The following VPS54 variants were observed in gnomAD, a reference collection of about 807,000 sequenced individuals.
The protein encoded by VPS54 is vacuolar protein sorting-associated protein 54.
In VPS54, 45 loss-of-function variants were observed where a neutral mutation model predicts 121.5. The ratio of observed to expected loss-of-function variants is 0.37; its 90% CI spans 0.29 to 0.47. VPS54 has a LOEUF of 0.47. Among genes scored for constraint, VPS54 ranks in the 20% least tolerant of loss-of-function variants. VPS54 has a pLI of 0.99. For missense variants in VPS54, 1,090 were observed against 1,131.4 expected, an observed-to-expected ratio of 0.96 and a Z score of 0.52; for synonymous variants, 371 against 385.8, an observed-to-expected ratio of 0.96 and a Z score of 0.45.
At chr2:63,940,194 T>A (rs2104504472) in intron 11 of VPS54, among the ~76,000 whole-genome samples, 1 of 152,328 alleles carries the variant, frequency 6.6e-6, no homozygotes, top group South Asian at 2.1e-4. Context: ...TTGTTAGACA[T>A]CTGGGTTCTT....
At chr2:63,913,835 T>G (rs1428989854) in intron 17 of VPS54, 2 of 1,063,192 alleles carry the variant, frequency 1.9e-6, no homozygotes, top group Admixed American at 1.1e-4. Context: ...CTTAGTGAGA[T>G]GAATTTTGTA....
intron 1 of VPS54, among the ~76,000 whole-genome samples, chr2:63,995,634 T>C (rs1024555635): frequency 3.2e-4 from 49 of 152,234 alleles, no homozygotes; most frequent in African/African-American, 1.1e-3. Flanking sequence ...CAACAAGGCA[T>C]TGACCAAAAA....
intron 11 of VPS54, among the ~76,000 whole-genome samples, chr2:63,941,358 G>A (rs1674722925): frequency 6.6e-6 from 1 of 152,088 alleles, no homozygotes; most frequent in African/African-American, 2.4e-5. Flanking sequence ...CCAAGTAGCT[G>A]GGACTACAGG....
chr2:63,948,974 T>C, intron 8 of VPS54, 63 bp downstream of exon 8: 3 of 1,569,734 alleles, frequency 1.9e-6, no homozygotes, highest in Non-Finnish European at 1.7e-6. Context: ...CTGAGAAAAA[T>C]GTGTTCTAAG....
chr2:63,958,533 G>A (rs886133569), intron 7 of VPS54, among the ~76,000 whole-genome samples: 17 of 152,132 alleles, frequency 1.1e-4, no homozygotes, highest in Admixed American at 7.9e-4. Flanking sequence ...GGGCAACACA[G>A]CAAGACCTTA....
chr2:63,939,523 A>T (rs1317443090), intron 11 of VPS54, among the ~76,000 whole-genome samples: 1 of 152,214 alleles, frequency 6.6e-6, no homozygotes, highest in East Asian at 1.9e-4. Context: ...TATTCCTGTA[A>T]TGTGGTAAAT....
At chr2:63,937,112 G>A (rs2104495157) in intron 11 of VPS54, among the ~76,000 whole-genome samples, 1 of 152,102 alleles carries the variant, frequency 6.6e-6, no homozygotes. Flanking sequence ...GATATGAAAT[G>A]AAAAACATAG....
At chr2:63,950,332 G>C (rs1266624028) in intron 7 of VPS54, among the ~76,000 whole-genome samples, 1 of 152,116 alleles carries the variant, frequency 6.6e-6, no homozygotes, top group African/African-American at 2.4e-5. Flanking sequence ...CCATAGAGTA[G>C]TGTGTGTAAT....
At chr2:63,937,399 A>C (rs977184672) in intron 11 of VPS54, among the ~76,000 whole-genome samples, 1 of 152,216 alleles carries the variant, frequency 6.6e-6, no homozygotes, top group East Asian at 1.9e-4. Flanking sequence ...AAGATGCTCA[A>C]CATCACTCAT....
chr2:64,009,046 A>T (rs531535096), intron 1 of VPS54, among the ~76,000 whole-genome samples: 3 of 152,266 alleles, frequency 2.0e-5, no homozygotes, highest in South Asian at 4.1e-4. Context: ...CTGAATTCAG[A>T]TTTTCTGATT....
At chr2:63,913,817 T>C (rs1358560179) in intron 17 of VPS54, 5 of 1,040,372 alleles carry the variant, frequency 4.8e-6, no homozygotes, top group South Asian at 7.7e-5. Context: ...GCAAGAAAAA[T>C]CTCTAACCTT....
intron 1 of VPS54, among the ~76,000 whole-genome samples, chr2:63,986,656 C>T (rs1213167552): frequency 6.6e-6 from 1 of 152,060 alleles, no homozygotes; most frequent in African/African-American, 2.4e-5. Context: ...TTCAGTTTTT[C>T]GAGGGACCTC....
chr2:63,911,127 AAT>A (rs768223280), intron 20 of VPS54, among the ~76,000 whole-genome samples: 12 of 152,226 alleles, frequency 7.9e-5, no homozygotes, highest in Non-Finnish European at 1.8e-4. Flanking sequence ...GAGCAGACAC[AAT>A]ATGTTACCGA....
intron 1 of VPS54, among the ~76,000 whole-genome samples, chr2:64,012,193 T>G (rs1678460512): frequency 6.6e-6 from 1 of 152,124 alleles, no homozygotes; most frequent in South Asian, 2.1e-4. Flanking sequence ...GCATCTCTCC[T>G]CCCTCATCCA....
At chr2:64,000,190 T>C (rs1172027673) in intron 1 of VPS54, among the ~76,000 whole-genome samples, 1 of 152,204 alleles carries the variant, frequency 6.6e-6, no homozygotes, top group East Asian at 1.9e-4. Flanking sequence ...TTATGATGCA[T>C]TCTTCAGTAT....
At chr2:64,017,210 G>A (rs1172004462) in intron 1 of VPS54, among the ~76,000 whole-genome samples, 11 of 151,402 alleles carry the variant, frequency 7.3e-5, no homozygotes, top group Non-Finnish European at 1.6e-4. Flanking sequence ...GCGTGGGGGC[G>A]CCTGTAGTCC....
At chr2:63,897,963 A>C (rs547618106) in intron 21 of VPS54, among the ~76,000 whole-genome samples, 1 of 152,346 alleles carries the variant, frequency 6.6e-6, no homozygotes, top group South Asian at 2.1e-4. Flanking sequence ...TAGTGAAATC[A>C]CTTCAAAGCA....
chr2:63,931,605 C>A (rs1041324822), intron 12 of VPS54, among the ~76,000 whole-genome samples: 3 of 152,170 alleles, frequency 2.0e-5, no homozygotes, highest in African/African-American at 7.2e-5. Context: ...GCAAAGACTT[C>A]ATGTCTAAAA....
At chr2:64,015,456 C>A (rs1230677991) in intron 1 of VPS54, among the ~76,000 whole-genome samples, 1 of 152,042 alleles carries the variant, frequency 6.6e-6, no homozygotes. Flanking sequence ...TGGTAGGAAT[C>A]AAAAACACTA....
Sources: gnomAD v4.1 joint callset for allele counts (sites outside exome capture counted in the v4.1 genomes callset) on GRCh38, gnomAD v4.1.1 for gene constraint, MANE v1.5 for transcripts, NCBI Gene and HGNC (gene_info 2026-07-23, HGNC 2026-07-21) for gene names.